The following TMEM114 variants were observed in gnomAD, a reference collection of about 807,000 sequenced individuals.
The protein encoded by TMEM114 is claudin-26.
In TMEM114, 6 loss-of-function variants were observed where a neutral mutation model predicts 6.2. The observed-to-expected ratio is 0.97, with a 90% CI of 0.53 to 1.91. The LOEUF is 1.91. TMEM114 is among the 40% of genes most tolerant of loss of function. TMEM114 has a pLI of 0.01. For synonymous variants in TMEM114, 104 were observed against 73.0 expected, an observed-to-expected ratio of 1.42 and a Z score of -2.16; for missense variants, 218 against 158.3, an observed-to-expected ratio of 1.38 and a Z score of -2.02.
intron 2 of TMEM114, among the ~76,000 whole-genome samples, chr16:8,564,348 A>G (rs1043465279): frequency 2.7e-5 from 4 of 150,538 alleles, no homozygotes; most frequent in Admixed American, 6.6e-5. Flanking sequence ...TCAGTGAGAG[A>G]ATGAGTCAGT....
intron 2 of TMEM114, among the ~76,000 whole-genome samples, chr16:8,548,933 A>G (rs1433469859): frequency 6.6e-6 from 1 of 152,166 alleles, no homozygotes; most frequent in Non-Finnish European, 1.5e-5. Context: ...CTGTAATCCC[A>G]GCACTTTGGG....
chr16:8,560,969 C>T (rs535259945), intron 2 of TMEM114, among the ~76,000 whole-genome samples: 2 of 152,348 alleles, frequency 1.3e-5, no homozygotes, highest in Admixed American at 6.5e-5. Context: ...TCTTATATCA[C>T]AGCAGGCGAG....
At chr16:8,534,105 C>T (rs900623619), downstream of TMEM114, among the ~76,000 whole-genome samples, 1 of 152,308 alleles carries the variant, frequency 6.6e-6, no homozygotes, top group African/African-American at 2.4e-5. Flanking sequence ...GCAAGTCATT[C>T]ATCAGAAAAT....
intron 2 of TMEM114, among the ~76,000 whole-genome samples, chr16:8,554,423 A>T (rs1451474407): frequency 3.9e-5 from 6 of 152,028 alleles, no homozygotes; most frequent in African/African-American, 1.2e-4. Context: ...ATAATAATAA[A>T]AATGAGGCAC....
At chr16:8,585,959 G>A (rs114287779) in intron 2 of TMEM114, among the ~76,000 whole-genome samples, 3,696 of 152,314 alleles carry the variant, frequency 0.024, 163 homozygotes, top group African/African-American at 0.085. Flanking sequence ...GAGGGTGAAC[G>A]AGTGAATAGA....
chr16:8,542,402 C>T (rs1171471066), intron 2 of TMEM114, among the ~76,000 whole-genome samples: 1 of 152,140 alleles, frequency 6.6e-6, no homozygotes, highest in African/African-American at 2.4e-5. Flanking sequence ...TGAGGGTCTC[C>T]CTTAGTCATC....
intron 2 of TMEM114, among the ~76,000 whole-genome samples, chr16:8,551,963 T>G (rs1406258389): frequency 6.6e-6 from 1 of 152,126 alleles, no homozygotes; most frequent in Non-Finnish European, 1.5e-5. Context: ...TTATGCTGAG[T>G]GAAGAAAAGC....
At chr16:8,555,866 A>G (rs1178878488) in intron 2 of TMEM114, among the ~76,000 whole-genome samples, 1 of 152,212 alleles carries the variant, frequency 6.6e-6, no homozygotes, top group Non-Finnish European at 1.5e-5. Context: ...TCTGGCCTCA[A>G]ATGTCACTAG....
At chr16:8,572,388 C>G (rs930752387) in intron 2 of TMEM114, 164 bp from the exon 3 acceptor site, 3 of 766,708 alleles carry the variant, frequency 3.9e-6, no homozygotes, top group Middle Eastern at 2.4e-4. Context: ...ATGACCATGA[C>G]AACAGTGGTT....
intron 2 of TMEM114, among the ~76,000 whole-genome samples, chr16:8,547,375 T>TCTTTCTTC (rs769264071): frequency 1.5e-5 from 1 of 64,836 alleles, no homozygotes; most frequent in Non-Finnish European, 2.8e-5. Flanking sequence ...AGACGCGCTT[T>TCTTTCTTC]CTTTCTTTCT....
At chr16:8,579,005 G>A (rs973681782) in intron 2 of TMEM114, among the ~76,000 whole-genome samples, 24 of 152,158 alleles carry the variant, frequency 1.6e-4, no homozygotes, top group African/African-American at 5.8e-4. Flanking sequence ...ATAAAATATT[G>A]GCAGGCCATT....
chr16:8,576,663 A>G lies in TMEM114; in HGVS notation c.302-4439T>C, dbSNP rs569774958. On this transcript the variant is annotated intron_variant, in intron 2 of 3. Transcript: ENST00000620492. ...CAACACAGAACCTAGAATGTAGTAC[A>G]TGCTCCCTGTGCAATGGATGGCTGA... is the stretch of plus-strand genomic sequence containing the variant. 1.3e-4 allele frequency among the ~76,000 whole-genome samples: 19 copies of G among 151,908 alleles called. No individual in the cohort carries two copies. The East Asian group carries it at 2.9e-3, about 23-fold the overall frequency.
At chr16:8,542,740 G>C (rs1900551829) in intron 2 of TMEM114, among the ~76,000 whole-genome samples, 1 of 152,024 alleles carries the variant, frequency 6.6e-6, no homozygotes, top group African/African-American at 2.4e-5. Context: ...TTGGAGCCTG[G>C]GGTTAGTGGG....
chr16:8,557,673 C>G (rs923088576), intron 2 of TMEM114, among the ~76,000 whole-genome samples: 1 of 152,160 alleles, frequency 6.6e-6, no homozygotes, highest in Non-Finnish European at 1.5e-5. Flanking sequence ...ACCAACTTAC[C>G]CAGGGCATGA....
downstream of TMEM114, among the ~76,000 whole-genome samples, chr16:8,568,985 C>T (rs536927717): frequency 1.4e-4 from 22 of 152,334 alleles, 1 homozygote; most frequent in South Asian, 1.4e-3. Context: ...CGCCTGGAAG[C>T]CACTTAGAAA....
At chr16:8,532,677 C>A (rs767331995), downstream of TMEM114, among the ~76,000 whole-genome samples, 1 of 152,196 alleles carries the variant, frequency 6.6e-6, no homozygotes, top group East Asian at 1.9e-4. Flanking sequence ...GTAATCCCAG[C>A]ACTTTGGGAG....
chr16:8,564,546 TC>T (rs1252348285), downstream of TMEM114, among the ~76,000 whole-genome samples: 532 of 98,026 alleles, frequency 5.4e-3, 5 homozygotes, highest in African/African-American at 7.7e-3. Flanking sequence ...AGTGAATGAG[TC>T]AGGGAATGAG....
chr16:8,564,386 G>GGAATGAGTGAGTGAGT lies in TMEM114; in HGVS notation n.212+24811_212+24826dup, dbSNP rs1175633758. On this transcript the variant is annotated intron_variant and non_coding_transcript_variant, in intron 2 of 2. Transcript: ENST00000623677. ...GTGAATGAGTCAGTGAATGAGTGAG[G>GGAATGAGTGAGTGAGT]GAATGAGTGAGTGAGTGAATGAGTG... 1.2e-4 allele frequency among the ~76,000 whole-genome samples: 16 copies of GGAATGAGTGAGTGAGT among 137,060 alleles called. No homozygotes were observed. In the South Asian group the frequency reaches 1.7e-3, roughly 15 times the overall value. 89.9% of individuals were successfully genotyped at this position (137,060 alleles called of 152,430 possible).
intron 2 of TMEM114, among the ~76,000 whole-genome samples, chr16:8,557,636 G>C (rs1901057480): frequency 6.6e-6 from 1 of 152,200 alleles, no homozygotes; most frequent in South Asian, 2.1e-4. Flanking sequence ...ACAGGTGCTG[G>C]TCAGCAGCCT....
Sources: gnomAD v4.1 joint callset for allele counts (sites outside exome capture counted in the v4.1 genomes callset) on GRCh38, gnomAD v4.1.1 for gene constraint, MANE v1.5 for transcripts, NCBI Gene and HGNC (gene_info 2026-07-23, HGNC 2026-07-21) for gene names.